The following NGF variants were observed in gnomAD, a reference collection of about 807,000 sequenced individuals.
The protein encoded by NGF is nerve growth factor, also known as beta-nerve growth factor.
NGF carries 4 observed loss-of-function variants against 12.8 expected under a neutral mutation model. That is an observed-to-expected ratio of 0.31 (90% CI 0.15 to 0.72). The LOEUF is 0.72. Among genes scored for constraint, NGF ranks in the 30% least tolerant of loss-of-function variants. The pLI is 0.69. For missense variants in NGF, 283 were observed against 330.8 expected (o/e 0.86, Z 1.12); for synonymous variants, 140 against 130.0 (o/e 1.08, Z -0.52).
chr1:115,296,521 C>T (rs1653876007), intron 1 of NGF, among the ~76,000 whole-genome samples: 1 of 152,218 alleles, frequency 6.6e-6, no homozygotes, highest in Non-Finnish European at 1.5e-5. Flanking sequence ...AAGCCAACCA[C>T]AATAGATTCC....
At chr1:115,326,029 A>G (rs996361358) in intron 1 of NGF, among the ~76,000 whole-genome samples, 1 of 152,142 alleles carries the variant, frequency 6.6e-6, no homozygotes, top group Non-Finnish European at 1.5e-5. Context: ...GGAGAGATCC[A>G]GGCTGGAAAT....
chr1:115,330,396 G>C (rs747648684), intron 1 of NGF, among the ~76,000 whole-genome samples: 1 of 152,202 alleles, frequency 6.6e-6, no homozygotes, highest in Non-Finnish European at 1.5e-5. Flanking sequence ...ACCTAAAGAA[G>C]TCATCTGTTC....
intron 1 of NGF, among the ~76,000 whole-genome samples, chr1:115,306,522 A>C (rs1654209801): frequency 6.6e-6 from 1 of 152,226 alleles, no homozygotes; most frequent in Non-Finnish European, 1.5e-5. Flanking sequence ...GTCTCTTTCT[A>C]GAATAATAAA....
intron 1 of NGF, among the ~76,000 whole-genome samples, chr1:115,321,610 GTGTGTGTGTGTGTGTGTGTC>G (rs1220098264): frequency 7.3e-6 from 1 of 137,674 alleles, no homozygotes; most frequent in African/African-American, 3.2e-5. Flanking sequence ...GTGTGTGTGT[GTGTGTGTGTGTGTGTGTGTC>G]ATAGCCAAGG....
intron 1 of NGF, among the ~76,000 whole-genome samples, chr1:115,312,001 A>G (rs983504377): frequency 5.3e-5 from 8 of 152,226 alleles, no homozygotes; most frequent in Non-Finnish European, 1.5e-5. Context: ...GGATTCCCAT[A>G]TGTAAAATCA....
intron 1 of NGF, among the ~76,000 whole-genome samples, chr1:115,331,282 C>T (rs1654914823): frequency 6.6e-6 from 1 of 152,140 alleles, no homozygotes; most frequent in Non-Finnish European, 1.5e-5. Flanking sequence ...GCTCACAGAG[C>T]TAATGAGAAG....
chr1:115,307,166 G>T (rs988118475), intron 1 of NGF, among the ~76,000 whole-genome samples: 15 of 152,298 alleles, frequency 9.8e-5, no homozygotes, highest in African/African-American at 3.6e-4. Flanking sequence ...AGTGAGCTGG[G>T]ATTTGTCTTA....
intron 1 of NGF, among the ~76,000 whole-genome samples, chr1:115,316,808 A>G (rs1654485389): frequency 6.6e-6 from 1 of 152,198 alleles, no homozygotes; most frequent in African/African-American, 2.4e-5. Flanking sequence ...TTGCATATTA[A>G]AAAAGAATTT....
At chr1:115,312,024 T>G (rs1405917834) in intron 1 of NGF, among the ~76,000 whole-genome samples, 3 of 152,174 alleles carry the variant, frequency 2.0e-5, no homozygotes, top group Middle Eastern at 3.2e-3. Context: ...ACTTGACTGT[T>G]CTCTGATTAC....
chr1:115,337,261 GTTTTTGTTTTTTTT>G (rs1655140648), intron 1 of NGF, among the ~76,000 whole-genome samples: 1 of 11,758 alleles, frequency 8.5e-5, no homozygotes, highest in Non-Finnish European at 1.9e-4. Flanking sequence ...TTTTTGTTTT[GTTTTTGTTTTTTTT>G]TTTTTTTTTT....
chr1:115,293,420 A>G (rs1371109025), intron 2 of NGF, among the ~76,000 whole-genome samples: 4 of 152,206 alleles, frequency 2.6e-5, no homozygotes, highest in African/African-American at 7.2e-5. Flanking sequence ...CCTGGGGCCC[A>G]TGGGGCCAAC....
chr1:115,332,516 T>TA lies in NGF; in HGVS notation c.-137+5687dup, dbSNP rs11302114. Among the ~76,000 whole-genome samples, 137 of 151,300 alleles carry TA rather than the reference T, an allele frequency of 9.1e-4. 1 individual carries two copies. Among genetic ancestry groups the TA allele is most frequent in the East Asian group, 8.4e-3 (43 of 5,124 alleles). ...AAAAAGATGTTATCCTACCTGAAAT[T>TA]AAAAAAAAACAACTATGAAGTGGGG... On this transcript the variant is annotated intron_variant, in intron 1 of 2. Coordinates refer to ENST00000369512, the MANE Select transcript of NGF (RefSeq NM_002506.3).
chr1:115,317,938 T>G (rs761814182), intron 1 of NGF, among the ~76,000 whole-genome samples: 2 of 151,956 alleles, frequency 1.3e-5, no homozygotes, highest in Non-Finnish European at 2.9e-5. Context: ...AGCATTTCAG[T>G]GTAGTAAAAT....
At chr1:115,291,153 C>T (rs986342462) in intron 2 of NGF, among the ~76,000 whole-genome samples, 3 of 152,112 alleles carry the variant, frequency 2.0e-5, no homozygotes, top group South Asian at 2.1e-4. Flanking sequence ...ATATATCTCT[C>T]ATTTAGATTT....
At chr1:115,337,213 T>TCAAG (rs1347095290) in intron 1 of NGF, among the ~76,000 whole-genome samples, 3 of 148,132 alleles carry the variant, frequency 2.0e-5, no homozygotes, top group Non-Finnish European at 4.5e-5. Flanking sequence ...AAGAAAAAGT[T>TCAAG]CAAGCACGAA....
intron 1 of NGF, among the ~76,000 whole-genome samples, chr1:115,316,069 A>G (rs1374032014): frequency 6.6e-6 from 1 of 152,198 alleles, no homozygotes; most frequent in Non-Finnish European, 1.5e-5. Flanking sequence ...GTAAAAGGCA[A>G]TAGCGGGAGT....
Position 115,286,474 on chromosome 1 carries a change from C to T in NGF, c.322G>A (p.Gly108Ser), listed in dbSNP as rs145894043. The change falls in exon 3 of 3, where the codon GGT becomes AGT. Residue 108 changes from glycine to serine, a missense_variant. Gly to Ser is a moderately conservative substitution (Grantham distance 56, BLOSUM62 0). Around this residue, in one of 2 missense-constraint regions of NGF, gnomAD observed 132 missense variants for 189.2 expected, o/e 0.70. Transcript: ENST00000369512. ...ADTQDLDFEV[G>S]GAAPFNRTHR... The stretch of plus-strand genomic sequence containing the variant: ...GTCCTGTTGAAGGGGGCAGCACCAC[C>T]GACCTCGAAGTCCAGATCCTGAGTG... The T allele has an allele frequency of 1.4e-5, 23 of 1,613,936 alleles. 1 individual carries two copies. In the East Asian group the frequency reaches 2.2e-4, roughly 16 times the overall value.
intron 1 of NGF, among the ~76,000 whole-genome samples, chr1:115,324,816 A>T (rs1025252974): frequency 6.6e-6 from 1 of 152,046 alleles, no homozygotes; most frequent in Non-Finnish European, 1.5e-5. Context: ...TTCTCCTAAC[A>T]TTCTGTCATA....
intron 1 of NGF, among the ~76,000 whole-genome samples, chr1:115,329,322 A>T (rs1394636549): frequency 6.6e-6 from 1 of 152,204 alleles, no homozygotes; most frequent in Non-Finnish European, 1.5e-5. Flanking sequence ...ACAGCTATAC[A>T]AGAGAGAAAC....
Sources: gnomAD v4.1 joint callset for allele counts (sites outside exome capture counted in the v4.1 genomes callset) on GRCh38, gnomAD v4.1.1 for gene constraint, gnomAD v4.1.1 regional missense constraint, MANE v1.5 for transcripts, NCBI Gene and HGNC (gene_info 2026-07-23, HGNC 2026-07-21) for gene names.